SRGAP3: variants seen among roughly 807,000 people sequenced by gnomAD.
SRGAP3 encodes the protein SLIT-ROBO Rho GTPase-activating protein 3.
In SRGAP3, 39 loss-of-function variants were observed where a neutral mutation model predicts 121.1. The ratio of observed to expected loss-of-function variants is 0.32; its 90% CI spans 0.25 to 0.42. The LOEUF (loss-of-function observed/expected upper bound fraction) is 0.42, where lower values mean the gene tolerates loss of function less well. SRGAP3 is among the 10% of genes least tolerant of loss of function. The probability of loss-of-function intolerance (pLI) is 1.00; values close to 1 mark genes in which losing one functional copy is unlikely to be tolerated. For synonymous variants in SRGAP3, 601 were observed against 570.0 expected, an observed-to-expected ratio of 1.05 and a Z score of -0.77; for missense variants, 1,213 against 1,470.6, an observed-to-expected ratio of 0.82 and a Z score of 2.86.
rs552688937 is a variant in SRGAP3 at position 9,120,246 on chromosome 3, C to T, written c.260+4479G>A. Among the ~76,000 whole-genome samples, 5 of 152,284 alleles carry T rather than the reference C, an allele frequency of 3.3e-5. No individual in the cohort carries two copies. In the South Asian group the frequency reaches 6.2e-4, roughly 19 times the overall value. Reference sequence around the variant, plus strand: ...AGCAAATAAGTACATCAGAGTACGACGGGCACACAGAGGGAGGCACCAGGT... The same window carrying T: ...AGCAAATAAGTACATCAGAGTACGATGGGCACACAGAGGGAGGCACCAGGT... On this transcript the variant is annotated intron_variant, in intron 2 of 21. Coordinates refer to ENST00000383836, the MANE Select transcript of SRGAP3 (RefSeq NM_014850.4).
At chr3:9,018,308 G>A (rs1943739779) in intron 14 of SRGAP3, among the ~76,000 whole-genome samples, 1 of 152,174 alleles carries the variant, frequency 6.6e-6, no homozygotes, top group Non-Finnish European at 1.5e-5. Context: ...TAGTGCTGCA[G>A]TAAACGTGGG....
chr3:9,082,258 A>T (rs888755881), intron 3 of SRGAP3, among the ~76,000 whole-genome samples: 1 of 152,220 alleles, frequency 6.6e-6, no homozygotes, highest in Non-Finnish European at 1.5e-5. Context: ...CTTCCTGTAC[A>T]GCCTGCAGAA....
intron 1 of SRGAP3, among the ~76,000 whole-genome samples, chr3:9,195,989 C>T (rs550345556): frequency 6.6e-6 from 1 of 151,970 alleles, no homozygotes; most frequent in African/African-American, 2.4e-5. Flanking sequence ...AGAACCCAAT[C>T]GAAAATACTT....
chr3:9,157,649 G>A (rs1950462734), intron 1 of SRGAP3, among the ~76,000 whole-genome samples: 1 of 152,146 alleles, frequency 6.6e-6, no homozygotes, highest in Admixed American at 6.5e-5. Context: ...GATAGAGTCT[G>A]TCCCCAGAGT....
At chr3:9,259,955 C>T (rs1954218111) in intron 3 of SRGAP3, among the ~76,000 whole-genome samples, 1 of 151,616 alleles carries the variant, frequency 6.6e-6, no homozygotes, top group Non-Finnish European at 1.5e-5. Context: ...GTACCCACCT[C>T]ATCTCATTGG....
intron 21 of SRGAP3, among the ~76,000 whole-genome samples, chr3:8,986,722 T>G (rs142124656): frequency 2.2e-3 from 321 of 148,464 alleles, no homozygotes; most frequent in African/African-American, 8.1e-3. Context: ...CTCTGTATTA[T>G]AATCAGAAAA....
chr3:9,222,283 A>C (rs1468309886), intron 1 of SRGAP3, among the ~76,000 whole-genome samples: 1 of 152,194 alleles, frequency 6.6e-6, no homozygotes, highest in Non-Finnish European at 1.5e-5. Flanking sequence ...GCTTCCTGAG[A>C]AGGAAGGATG....
chr3:9,157,179 T>A (rs1181729111), intron 1 of SRGAP3, among the ~76,000 whole-genome samples: 1 of 152,142 alleles, frequency 6.6e-6, no homozygotes, highest in African/African-American at 2.4e-5. Context: ...GAGGCGTGAC[T>A]GGGAGGCCTC....
chr3:9,210,587 G>A (rs1238166903), intron 1 of SRGAP3, among the ~76,000 whole-genome samples: 2 of 152,160 alleles, frequency 1.3e-5, no homozygotes, highest in Non-Finnish European at 2.9e-5. Context: ...CACTTTGGGA[G>A]GCTGAGGCGG....
At chr3:9,060,742 TG>T (rs1946121872) in intron 5 of SRGAP3, among the ~76,000 whole-genome samples, 1 of 96,002 alleles carries the variant, frequency 1.0e-5, no homozygotes, top group East Asian at 2.8e-4. Context: ...CCCGGCCCAG[TG>T]GTTTTTTTTT....
At chr3:9,016,925 T>A (rs1182675121) in intron 14 of SRGAP3, among the ~76,000 whole-genome samples, 1 of 152,206 alleles carries the variant, frequency 6.6e-6, no homozygotes, top group Non-Finnish European at 1.5e-5. Context: ...CCCATTACCA[T>A]CACTATTTTT....
intron 3 of SRGAP3, among the ~76,000 whole-genome samples, chr3:9,294,900 AATCT>A (rs1302010683): frequency 6.6e-6 from 1 of 152,174 alleles, no homozygotes; most frequent in Non-Finnish European, 1.5e-5. Flanking sequence ...ATCTATCATC[AATCT>A]GTTAGTGTTC....
intron 1 of SRGAP3, 147 bp from the exon 2 acceptor site, chr3:9,125,064 C>T: frequency 3.4e-6 from 3 of 882,718 alleles, no homozygotes; most frequent in Non-Finnish European, 5.3e-6. Context: ...AGAGCTCAGA[C>T]CTTGCTTGGC....
At chr3:9,134,752 A>G (rs1209939662) in intron 1 of SRGAP3, among the ~76,000 whole-genome samples, 2 of 152,140 alleles carry the variant, frequency 1.3e-5, no homozygotes, top group African/African-American at 4.8e-5. Flanking sequence ...TGTGCCATCC[A>G]CACAGAGCAC....
chr3:9,013,214 C>G (rs1943458429), intron 17 of SRGAP3, 94 bp downstream of exon 17: 1 of 1,252,470 alleles, frequency 8.0e-7, no homozygotes, highest in African/African-American at 1.5e-5. Flanking sequence ...CACCGACTAT[C>G]AAGCAGTAAG....
chr3:9,021,743 C>A (rs1454146747), intron 14 of SRGAP3, among the ~76,000 whole-genome samples: 2 of 152,210 alleles, frequency 1.3e-5, no homozygotes, highest in South Asian at 2.1e-4. Flanking sequence ...TCCCTTTTAA[C>A]AACTGGTGAA....
intron 1 of SRGAP3, among the ~76,000 whole-genome samples, chr3:9,159,869 A>C (rs1950550558): frequency 6.6e-6 from 1 of 152,200 alleles, no homozygotes; most frequent in Non-Finnish European, 1.5e-5. Flanking sequence ...TATACACTGC[A>C]AAATGAGAAT....
At chr3:9,060,446 A>ATTTTT (rs1249841741) in intron 5 of SRGAP3, 87 bp from the exon 6 acceptor site, 1 of 1,181,456 alleles carries the variant, frequency 8.5e-7, no homozygotes. Context: ...TTTTTTTTTG[A>ATTTTT]GACAGGGTGT....
intron 1 of SRGAP3, among the ~76,000 whole-genome samples, chr3:9,199,714 T>C (rs1447427136): frequency 6.6e-6 from 1 of 152,226 alleles, no homozygotes; most frequent in Non-Finnish European, 1.5e-5. Context: ...ATTGAGTCCC[T>C]AAAGGGGAAG....
Sources: allele counts gnomAD v4.1 joint callset (sites outside exome capture counted in the v4.1 genomes callset), GRCh38; gene constraint gnomAD v4.1.1; transcripts MANE v1.5; gene names NCBI Gene and HGNC (gene_info 2026-07-23, HGNC 2026-07-21).